PHTF1: variants seen among roughly 807,000 people sequenced by gnomAD.
The protein encoded by PHTF1 is putative homeodomain transcription factor 1.
PHTF1 carries 88 observed loss-of-function variants against 102.4 expected under a neutral mutation model. That is an observed-to-expected ratio of 0.86 (90% CI 0.72 to 1.03). PHTF1 has a LOEUF of 1.03. Among genes scored for constraint, PHTF1 ranks in the 50% least tolerant of loss-of-function variants. The probability of loss-of-function intolerance (pLI) is 0.00; values close to 1 mark genes in which losing one functional copy is unlikely to be tolerated. For synonymous variants in PHTF1, 289 were observed against 305.2 expected (o/e 0.95, Z 0.55); for missense variants, 814 against 909.5 (o/e 0.89, Z 1.35).
At chr1:113,757,827 A>G (rs1659106529) in intron 2 of PHTF1, 72 bp from the exon 3 acceptor site, 1 of 968,914 alleles carries the variant, frequency 1.0e-6, no homozygotes, top group East Asian at 2.4e-5. Flanking sequence ...AAGCCTCATA[A>G]AAGTCATGAG....
chr1:113,748,343 A>G lies in PHTF1; in HGVS notation c.102+9356T>C, dbSNP rs147517614. Among the ~76,000 whole-genome samples, 102 of 152,266 alleles carry G rather than the reference A, an allele frequency of 6.7e-4. 1 individual carries two copies. Among genetic ancestry groups the G allele is most frequent in the East Asian group, 1.9e-4 (1 of 5,180 alleles). Reference sequence around the variant, plus strand: ...CATTTCTGGGGCAATTTTTAAAATTATTTATTAATTTCTTCTTCTCCATGT... The same window carrying G: ...CATTTCTGGGGCAATTTTTAAAATTGTTTATTAATTTCTTCTTCTCCATGT... On this transcript the variant is annotated intron_variant, in intron 3 of 18. Transcript: ENST00000369604.
chr1:113,720,591 TCA>T (rs1246572974), intron 7 of PHTF1, among the ~76,000 whole-genome samples: 1 of 152,242 alleles, frequency 6.6e-6, no homozygotes, highest in Non-Finnish European at 1.5e-5. Flanking sequence ...ATATCAAGTA[TCA>T]CCGGGAGGGT....
intron 13 of PHTF1, 93 bp downstream of exon 13, chr1:113,705,797 C>A (rs768251515): frequency 2.1e-6 from 2 of 933,948 alleles, no homozygotes; most frequent in African/African-American, 1.7e-5. Flanking sequence ...CCCACATCAA[C>A]TTGAAGAGAG....
chr1:113,700,204 C>T (rs1649288546), intron 16 of PHTF1: 3 of 940,196 alleles, frequency 3.2e-6, no homozygotes, highest in Admixed American at 6.2e-5. Context: ...TTACTAATTC[C>T]TTATATTTTG....
chr1:113,737,969 C>T lies in PHTF1; in HGVS notation c.331+141G>A, dbSNP rs775316257. On this transcript the variant is annotated intron_variant, in intron 5 of 18. Coordinates refer to ENST00000369604, the MANE Select transcript of PHTF1 (RefSeq NM_001323043.2). ...ATAGCAGATAATTTTAATATGAACC[C>T]CAAATGGCATATGTCTCTTCATTCT... The T allele has an allele frequency of 8.2e-5, 50 of 611,526 alleles. 1 individual carries two copies. The highest frequency in any genetic ancestry group is 1.3e-4 in the Non-Finnish European group (44 of 350,976). 37.9% of individuals were successfully genotyped at this position (611,526 alleles called of 1,614,324 possible).
intron 7 of PHTF1, among the ~76,000 whole-genome samples, chr1:113,716,505 C>T (rs554923632): frequency 4.0e-4 from 61 of 151,884 alleles, no homozygotes; most frequent in Non-Finnish European, 7.7e-4. Flanking sequence ...TCACCACATC[C>T]AGCTGATTTT....
At chr1:113,724,533 T>TC (rs1488123863) in intron 7 of PHTF1, among the ~76,000 whole-genome samples, 2 of 129,476 alleles carry the variant, frequency 1.5e-5, no homozygotes, top group Non-Finnish European at 3.2e-5. Flanking sequence ...AGAATGAGAC[T>TC]CCATTTCAAA....
chr1:113,705,796 A>G (rs748999199), intron 13 of PHTF1, 94 bp downstream of exon 13: 2 of 901,910 alleles, frequency 2.2e-6, no homozygotes, highest in East Asian at 2.5e-5. Flanking sequence ...GCCCACATCA[A>G]CTTGAAGAGA....
chr1:113,703,249 G>A (rs992082405), intron 15 of PHTF1, among the ~76,000 whole-genome samples: 6 of 152,210 alleles, frequency 3.9e-5, no homozygotes, highest in Non-Finnish European at 7.3e-5. Flanking sequence ...AAAACTGAAT[G>A]TATGCTGGAT....
chr1:113,751,459 T>G (rs1658063976), intron 3 of PHTF1, among the ~76,000 whole-genome samples: 1 of 152,248 alleles, frequency 6.6e-6, no homozygotes, highest in Non-Finnish European at 1.5e-5. Context: ...TCTAGAAATT[T>G]CATATAAACA....
rs771756792 is a variant in PHTF1 at position 113,726,453 on chromosome 1, T to C, written c.453A>G (p.Thr151=). The part of the protein sequence containing the change: ...VHCQIVSTQI[T]RPSGNNGNRR... The stretch of plus-strand genomic sequence containing the variant: ...GATTTCCATTGTTTCCTGATGGTCT[T>C]GTTATCTGAGTAGACACAATTTGAC... The change falls in exon 6 of 19, where the codon ACA becomes ACG. Residue 151 remains threonine (T), a synonymous_variant. Transcript: ENST00000369604. 15 of 1,610,734 alleles carry C rather than the reference T, an allele frequency of 9.3e-6. No homozygotes were observed. The highest frequency in any genetic ancestry group is 1.3e-5 in the Non-Finnish European group (15 of 1,178,634).
chr1:113,698,161 ACAC>A, intron 18 of PHTF1, 98 bp downstream of exon 18: 1 of 338,416 alleles, frequency 3.0e-6, no homozygotes. Flanking sequence ...AAACACACAC[ACAC>A]ACACACACAC....
At chr1:113,727,296 T>C (rs1052915880) in intron 5 of PHTF1, among the ~76,000 whole-genome samples, 3 of 152,160 alleles carry the variant, frequency 2.0e-5, no homozygotes, top group Non-Finnish European at 4.4e-5. Flanking sequence ...ATAGATCTTG[T>C]TGACTTGAGA....
chr1:113,712,263 C>A, intron 8 of PHTF1, 150 bp from the exon 9 acceptor site: 1 of 604,678 alleles, frequency 1.7e-6, no homozygotes, highest in Non-Finnish European at 2.9e-6. Context: ...ATTACTTAAT[C>A]TCAATTAAGA....
rs1206365758 is a variant in PHTF1 at position 113,704,693 on chromosome 1, T to C, written c.1776A>G (p.Ile592Met). The change falls in exon 14 of 19, where the codon ATA becomes ATG. Residue 592 changes from isoleucine (I) to methionine (M), a missense_variant. Coordinates refer to ENST00000369604, the MANE Select transcript of PHTF1 (RefSeq NM_001323043.2). The part of the protein sequence containing the change: ...FRLKKVENIK[I>M]WLSLRSYLKR... ...TTAGATAGGAACGCAGTGATAACCA[T>C]ATTTTAATATTCTCCACCTTCTTAA... 3 of 1,590,704 alleles carry C rather than the reference T, an allele frequency of 1.9e-6. No individual in the cohort carries two copies. Among genetic ancestry groups the C allele is most frequent in the Admixed American group, 1.7e-5 (1 of 58,596 alleles).
intron 3 of PHTF1, among the ~76,000 whole-genome samples, chr1:113,747,333 TCTATTA>T (rs1433129698): frequency 7.2e-5 from 11 of 152,222 alleles, no homozygotes; most frequent in Admixed American, 7.2e-4. Context: ...CACTTAATCT[TCTATTA>T]CTAATTCATC....
At chr1:113,748,414 G>C (rs1657541175) in intron 3 of PHTF1, among the ~76,000 whole-genome samples, 1 of 151,992 alleles carries the variant, frequency 6.6e-6, no homozygotes, top group Non-Finnish European at 1.5e-5. Context: ...TACATTTCCT[G>C]CATGAATTGC....
At chr1:113,758,231 C>CA (rs1162537319) in intron 2 of PHTF1, among the ~76,000 whole-genome samples, 12,227 of 57,322 alleles carry the variant, frequency 0.21, 1,760 homozygotes, top group Non-Finnish European at 0.26. Flanking sequence ...AACTCCGTCT[C>CA]AAAAAAAAAA....
intron 7 of PHTF1, among the ~76,000 whole-genome samples, chr1:113,716,122 C>A (rs1412654990): frequency 6.6e-6 from 1 of 151,906 alleles, no homozygotes; most frequent in Non-Finnish European, 1.5e-5. Context: ...GAAGGTCATA[C>A]AATACCAAAC....
Sources: gnomAD v4.1 joint callset for allele counts (sites outside exome capture counted in the v4.1 genomes callset) on GRCh38, gnomAD v4.1.1 for gene constraint, MANE v1.5 for transcripts, NCBI Gene and HGNC (gene_info 2026-07-23, HGNC 2026-07-21) for gene names.